The following TAOK1 variants were observed in gnomAD, a reference collection of about 807,000 sequenced individuals.
TAOK1 encodes the protein TAO kinase 1, also known as serine/threonine-protein kinase TAO1.
TAOK1 carries 21 observed loss-of-function variants against 138.3 expected under a neutral mutation model. The observed-to-expected ratio is 0.15, with a 90% CI of 0.11 to 0.22. The LOEUF is 0.22. Among genes scored for constraint, TAOK1 ranks in the 10% least tolerant of loss-of-function variants. TAOK1 has a pLI of 1.00. For synonymous variants in TAOK1, 361 were observed against 398.4 expected (o/e 0.91, Z 1.12); for missense variants, 651 against 1,227.7 (o/e 0.53, Z 7.02).
At chr17:29,464,104 G>T (rs1043027723) in intron 2 of TAOK1, among the ~76,000 whole-genome samples, 1 of 151,982 alleles carries the variant, frequency 6.6e-6, no homozygotes, top group East Asian at 1.9e-4. Flanking sequence ...TACTGCTTAG[G>T]TCTGGGAGGT....
At chr17:29,446,530 C>T (rs541337482) in intron 1 of TAOK1, among the ~76,000 whole-genome samples, 82 of 151,970 alleles carry the variant, frequency 5.4e-4, no homozygotes, top group African/African-American at 9.4e-4. Context: ...CCTGAGCCAC[C>T]GCACCCAGGC....
intron 1 of TAOK1, among the ~76,000 whole-genome samples, chr17:29,412,992 AT>A (rs1163463289): frequency 6.6e-6 from 1 of 152,218 alleles, no homozygotes; most frequent in Non-Finnish European, 1.5e-5. Context: ...AAGAATTCAT[AT>A]CTTAATTGGG....
At chr17:29,532,050 C>T (rs148229425) in intron 18 of TAOK1, among the ~76,000 whole-genome samples, 5,799 of 151,866 alleles carry the variant, frequency 0.038, 392 homozygotes, top group African/African-American at 0.13. Flanking sequence ...TTAGTGGAGA[C>T]GGGGTTTCAC....
chr17:29,407,588 A>G (rs1905029125), intron 1 of TAOK1, among the ~76,000 whole-genome samples: 1 of 151,790 alleles, frequency 6.6e-6, no homozygotes, highest in Non-Finnish European at 1.5e-5. Flanking sequence ...CTGGGACTAC[A>G]GGTGCCCACC....
intron 10 of TAOK1, among the ~76,000 whole-genome samples, chr17:29,495,129 A>G (rs2031388079): frequency 6.6e-6 from 1 of 152,206 alleles, no homozygotes; most frequent in African/African-American, 2.4e-5. Flanking sequence ...CAGCATATAA[A>G]GGAACCCAAT....
chr17:29,433,023 G>A (rs921468958), intron 1 of TAOK1, among the ~76,000 whole-genome samples: 2 of 152,148 alleles, frequency 1.3e-5, no homozygotes, highest in African/African-American at 4.8e-5. Context: ...GCCTTCGTAA[G>A]TGTTGGGATT....
rs185912972 is a variant in TAOK1, at chr17:29,479,088, G to A, written c.449+741G>A. Among the ~76,000 whole-genome samples, 4 of 150,584 alleles carry A rather than the reference G, an allele frequency of 2.7e-5. No individual in the cohort carries two copies. In the East Asian group the frequency reaches 7.8e-4, roughly 29 times the overall value. ...TGCAGTGAGCTGAGATTGTGCCACT[G>A]TACACACTGTACACTGTACCACTGT... On this transcript the variant is annotated intron_variant, in intron 6 of 19. Transcript: ENST00000261716.
In TAOK1 at chr17:29,489,770, AAT is replaced by A; in HGVS notation, c.749+22_749+23del. On this transcript the variant is annotated intron_variant, in intron 9 of 19. Coordinates refer to ENST00000261716, the MANE Select transcript of TAOK1 (RefSeq NM_020791.4). Reference sequence around the variant, plus strand: ...AGTCTAATGAATGGTGAGTATTGTTAATATATATATTGCTCAGTGTTGAATAA... The same window carrying A: ...AGTCTAATGAATGGTGAGTATTGTTAATATATATTGCTCAGTGTTGAATAA... 3 of 1,541,594 alleles carry A rather than the reference AAT, an allele frequency of 1.9e-6. No individual in the cohort carries two copies. The highest frequency in any genetic ancestry group is 1.4e-5 in the African/African-American group (1 of 72,800).
At position 29,526,025 on chromosome 17, in the gene TAOK1, G is replaced by A. The variant is rs374338556; in HGVS notation, c.2148+3506G>A. 2.6e-5 allele frequency among the ~76,000 whole-genome samples: 4 copies of A among 152,252 alleles called. No individual in the cohort carries two copies. In the South Asian group the frequency reaches 8.3e-4, roughly 32 times the overall value. On this transcript the variant is annotated intron_variant, in intron 17 of 19. Coordinates refer to ENST00000261716, the MANE Select transcript of TAOK1 (RefSeq NM_020791.4). ...ATTAAAAATAATGTCCGGGCGTGGT[G>A]GCTCATACCTGTAATCCCAGTACTT...
chr17:29,532,483 G>T (rs1483856980), intron 18 of TAOK1, among the ~76,000 whole-genome samples: 2 of 151,982 alleles, frequency 1.3e-5, no homozygotes, highest in Non-Finnish European at 2.9e-5. Flanking sequence ...CCTAGGCAGA[G>T]GACCCTTCGG....
At chr17:29,509,208 C>T (rs542307998) in intron 14 of TAOK1, among the ~76,000 whole-genome samples, 7 of 151,992 alleles carry the variant, frequency 4.6e-5, no homozygotes, top group South Asian at 2.1e-4. Context: ...CTCCCTCTGT[C>T]GCCCAGGCTG....
At chr17:29,482,652 T>G (rs2031087487) in intron 8 of TAOK1, among the ~76,000 whole-genome samples, 1 of 152,072 alleles carries the variant, frequency 6.6e-6, no homozygotes, top group Non-Finnish European at 1.5e-5. Context: ...GGGTAGTTAC[T>G]ACTTTTTTTT....
intron 1 of TAOK1, among the ~76,000 whole-genome samples, chr17:29,397,678 TGTATAC>T (rs1567706753): frequency 1.9e-4 from 27 of 145,304 alleles, no homozygotes; most frequent in East Asian, 1.2e-3. Context: ...CATGTATACA[TGTATAC>T]ATGTATATTC....
At chr17:29,424,051 A>G (rs76548248) in intron 1 of TAOK1, among the ~76,000 whole-genome samples, 4 of 52,628 alleles carry the variant, frequency 7.6e-5, no homozygotes, top group African/African-American at 4.3e-4. Context: ...CCTGTCTCAA[A>G]AAAAAAAAAA....
At chr17:29,502,282 T>A (rs1317945045) in intron 12 of TAOK1, among the ~76,000 whole-genome samples, 4 of 152,108 alleles carry the variant, frequency 2.6e-5, no homozygotes, top group Non-Finnish European at 5.9e-5. Context: ...AAAATAAAAT[T>A]AGCCTGGCCT....
At chr17:29,400,867 A>G (rs1010492669) in intron 1 of TAOK1, among the ~76,000 whole-genome samples, 3 of 151,228 alleles carry the variant, frequency 2.0e-5, no homozygotes, top group Non-Finnish European at 4.4e-5. Context: ...TGCATAAAGT[A>G]AGGGTAAACA....
rs1481476434 is a variant in TAOK1, at chr17:29,507,953, G to A, written c.1396G>A (p.Gly466Ser). The part of the protein sequence containing the change: ...QDSELREQMS[G>S]YKRMRRQHQK... Reference sequence around the variant, plus strand: ...CTCTGAGCTTAGAGAACAAATGTCTGGCTATAAGCGAATGAGGCGACAACA... The same window carrying A: ...CTCTGAGCTTAGAGAACAAATGTCTAGCTATAAGCGAATGAGGCGACAACA... Residue 466 changes from glycine (G) to serine (S), a missense_variant, in exon 14 of 20, where the codon GGC (glycine) becomes AGC (serine). Gly to Ser is a moderately conservative substitution (Grantham distance 56). Transcript: ENST00000261716. 6.2e-7 allele frequency: 1 copy of A among 1,614,058 alleles called. No individual in the cohort carries two copies.
chr17:29,485,047 T>A (rs1181567485), intron 8 of TAOK1, among the ~76,000 whole-genome samples: 1 of 152,188 alleles, frequency 6.6e-6, no homozygotes, highest in Non-Finnish European at 1.5e-5. Context: ...CCATTATTGG[T>A]CTTGATAAAC....
intron 7 of TAOK1, among the ~76,000 whole-genome samples, chr17:29,481,019 A>G (rs2031051067): frequency 6.6e-6 from 1 of 152,130 alleles, no homozygotes; most frequent in Non-Finnish European, 1.5e-5. Flanking sequence ...AGCCACTTTT[A>G]TCATGGAGCA....
Sources: allele counts gnomAD v4.1 joint callset (sites outside exome capture counted in the v4.1 genomes callset), GRCh38; gene constraint gnomAD v4.1.1; transcripts MANE v1.5; gene names NCBI Gene and HGNC (gene_info 2026-07-23, HGNC 2026-07-21).